The following PDXDC1 variants were observed in gnomAD, a reference collection of about 807,000 sequenced individuals.
PDXDC1 encodes the protein pyridoxal-dependent decarboxylase domain-containing protein 1.
Under a neutral mutation model 100.1 loss-of-function variants are expected in PDXDC1, and 42 were observed. That is an observed-to-expected ratio of 0.42 (90% CI 0.33 to 0.54). PDXDC1 has a LOEUF of 0.54. Ranked by LOEUF, PDXDC1 falls within the 20% of genes least tolerant of loss-of-function variation. PDXDC1 has a pLI of 0.10. For missense variants in PDXDC1, 636 were observed against 979.2 expected (o/e 0.65, Z 4.68); for synonymous variants, 260 against 371.7 (o/e 0.70, Z 3.46).
chr16:15,048,192 G>GCCCAC, intron 16 of PDXDC1: 2 of 798,068 alleles, frequency 2.5e-6, no homozygotes, highest in Non-Finnish European at 4.1e-6. Flanking sequence ...GCTCTGCGTG[G>GCCCAC]GCAGCACGCT....
intron 16 of PDXDC1, among the ~76,000 whole-genome samples, chr16:15,076,283 C>T (rs1288460890): frequency 1.3e-5 from 2 of 152,200 alleles, no homozygotes; most frequent in Non-Finnish European, 2.9e-5. Flanking sequence ...CACGCCCTCA[C>T]AGACAGCATC....
At chr16:15,030,370 T>C (rs4985158) in intron 16 of PDXDC1, among the ~76,000 whole-genome samples, 1 of 151,964 alleles carries the variant, frequency 6.6e-6, no homozygotes, top group East Asian at 2.0e-4. Context: ...CATAGTGAAA[T>C]CCCGCCCCTA....
At position 15,089,830 on chromosome 16, in the gene PDXDC1, G is replaced by T. The variant is rs932184037; in HGVS notation, c.1400-49049G>T. 1.1e-4 allele frequency among the ~76,000 whole-genome samples: 16 copies of T among 148,152 alleles called. No homozygotes were observed. In the Middle Eastern group the frequency reaches 0.011, roughly 104 times the overall value. On this transcript the variant is annotated intron_variant, in intron 16 of 16. Transcript: ENST00000535621. ...AAAAAAACAGATTAAAGGATCAGGA[G>T]ACAGGAGGATCAGAAACGCTGAAGT...
At chr16:15,034,253 A>G (rs757186215) in intron 19 of PDXDC1, 33 bp from the exon 20 acceptor site, 17 of 1,599,738 alleles carry the variant, frequency 1.1e-5, no homozygotes, top group East Asian at 2.2e-5. Flanking sequence ...TGAGAACCTT[A>G]AACAAGTAAT....
chr16:15,047,728 C>T (rs1661579843), intron 16 of PDXDC1: 3 of 934,994 alleles, frequency 3.2e-6, no homozygotes, highest in South Asian at 1.3e-5. Context: ...AGACACCATG[C>T]AGACCAGAAA....
intron 8 of PDXDC1, among the ~76,000 whole-genome samples, chr16:15,015,100 G>A (rs1256895325): frequency 6.6e-6 from 1 of 152,238 alleles, no homozygotes; most frequent in African/African-American, 2.4e-5. Flanking sequence ...ACTACACCCG[G>A]CTAATTTTGT....
rs773144097 is a variant in PDXDC1, at chr16:15,044,700, C to T, written c.1399+14644C>T. 329 of 470,162 alleles carry T rather than the reference C, an allele frequency of 7.0e-4. No individual in the cohort carries two copies. The Middle Eastern group carries it at 8.7e-3, about 12-fold the overall frequency. 29.1% of individuals were successfully genotyped at this position (470,162 alleles called of 1,614,324 possible). ...ACTTTGCTCTGGAAGAGCACAGGCACAGGACAGGTGCAGTGGCTCACATCT... is the reference window on the plus strand; with the variant it reads ...ACTTTGCTCTGGAAGAGCACAGGCATAGGACAGGTGCAGTGGCTCACATCT... On this transcript the variant is annotated intron_variant, in intron 16 of 16. Transcript: ENST00000535621.
rs914348657 is a variant in PDXDC1, at chr16:15,011,893, A to T, written c.727+2134A>T. Among the ~76,000 whole-genome samples, 3 of 152,250 alleles carry T rather than the reference A, an allele frequency of 2.0e-5. No homozygotes were observed. In the South Asian group the frequency reaches 6.2e-4, roughly 31 times the overall value. ...TGGCCAGGCTGGTCTCAAACTCCTGACCTCAGGTGGTCCACCTGCCTTGGC... is the reference window on the plus strand; with the variant it reads ...TGGCCAGGCTGGTCTCAAACTCCTGTCCTCAGGTGGTCCACCTGCCTTGGC... On this transcript the variant is annotated intron_variant, in intron 8 of 22. Coordinates refer to ENST00000396410, the MANE Select transcript of PDXDC1 (RefSeq NM_015027.4).
chr16:15,072,181 TG>T, intron 16 of PDXDC1, among the ~76,000 whole-genome samples: 1 of 150,730 alleles, frequency 6.6e-6, no homozygotes. Context: ...AACACTCTCC[TG>T]ATCTCTAGGA....
At chr16:15,047,214 G>A in intron 16 of PDXDC1, 2 of 531,870 alleles carry the variant, frequency 3.8e-6, no homozygotes, top group Non-Finnish European at 6.7e-6. Flanking sequence ...TCAAAGTCAA[G>A]CCTTCCATCT....
chr16:15,124,281 C>G (rs1390758629), intron 16 of PDXDC1, among the ~76,000 whole-genome samples: 6 of 152,228 alleles, frequency 3.9e-5, no homozygotes, highest in East Asian at 1.9e-4. Flanking sequence ...AAACTTCCCA[C>G]AGGCCTTCTG....
rs1391256883 is a variant in PDXDC1 at position 15,092,688 on chromosome 16, C to G, written c.1400-46191C>G. On this transcript the variant is annotated intron_variant, in intron 16 of 16. Coordinates refer to the PDXDC1 transcript ENST00000535621. ...ATTATAATAGCCAACATTTATTGAA[C>G]CAACATAATTCAGTGGAACTATTGT... is the stretch of plus-strand genomic sequence containing the variant. 3.0e-6 allele frequency: 3 copies of G among 1,010,738 alleles called. No individual in the cohort carries two copies. The Admixed American group carries it at 5.5e-5, about 18-fold the overall frequency. The allele number at this position is 1,010,738 out of a possible 1,614,324, so 62.6% of individuals were successfully genotyped here. A position where few individuals can be genotyped will look rare whatever the true frequency, so the allele number is the denominator to read the frequency against.
chr16:15,037,272 T>TC lies in PDXDC1; in HGVS notation c.*999dup, dbSNP rs2043513034. On this transcript the variant is annotated 3_prime_UTR_variant, in exon 23 of 23. Coordinates refer to ENST00000396410, the MANE Select transcript of PDXDC1 (RefSeq NM_015027.4). ...CGCTGGCACTGCCCGTTCCTACTTTTCCGAAGTACTGCGTCACTTTGTCGT... is the reference window on the plus strand; with the variant it reads ...CGCTGGCACTGCCCGTTCCTACTTTTCCCGAAGTACTGCGTCACTTTGTCGT... 1 of 152,374 alleles carries TC rather than the reference T, an allele frequency of 6.6e-6. No individual in the cohort carries two copies. The highest frequency in any genetic ancestry group is 2.4e-5 in the African/African-American group (1 of 41,584). The allele number at this position is 152,374 out of a possible 1,614,324, so 9.4% of individuals were successfully genotyped here. A position where few individuals can be genotyped will look rare whatever the true frequency, so the allele number is the denominator to read the frequency against.
At chr16:15,099,617 G>A (rs1007416497) in intron 16 of PDXDC1, among the ~76,000 whole-genome samples, 1 of 151,794 alleles carries the variant, frequency 6.6e-6, no homozygotes, top group African/African-American at 2.4e-5. Flanking sequence ...TAAAGGGGGT[G>A]GGGGAGGGAT....
At chr16:15,127,536 C>G (rs749970933) in intron 16 of PDXDC1, 16 of 1,410,678 alleles carry the variant, frequency 1.1e-5, no homozygotes, top group Non-Finnish European at 1.4e-5. Context: ...CCACGCTGGA[C>G]ACCAGGCCAA....
intron 16 of PDXDC1, chr16:15,128,458 C>T: frequency 1.1e-6 from 1 of 894,056 alleles, no homozygotes; most frequent in East Asian, 2.5e-5. Context: ...CCAGGCAAGT[C>T]ATCTCAGCTT....
At chr16:15,035,109 A>C (rs1398806425) in intron 21 of PDXDC1, among the ~76,000 whole-genome samples, 4 of 152,162 alleles carry the variant, frequency 2.6e-5, no homozygotes. Flanking sequence ...CGATGACTCC[A>C]TTGTCATGAA....
intron 1 of PDXDC1, among the ~76,000 whole-genome samples, chr16:14,997,159 T>C (rs1426505733): frequency 6.6e-6 from 1 of 152,216 alleles, no homozygotes; most frequent in East Asian, 1.9e-4. Context: ...GTGAAAAAAT[T>C]ATAATTCTGC....
rs2043245562 is a variant in PDXDC1 at position 15,034,142 on chromosome 16, G to C, written c.1813-144G>C. Reference sequence around the variant, plus strand: ...GAGCATGTTATCTGCTTGTCTTTGAGTTTCTGTTCGTTTTACGCCGGCTTT... The same window carrying C: ...GAGCATGTTATCTGCTTGTCTTTGACTTTCTGTTCGTTTTACGCCGGCTTT... On this transcript the variant is annotated intron_variant, in intron 19 of 22. Coordinates refer to ENST00000396410, the MANE Select transcript of PDXDC1 (RefSeq NM_015027.4). The C allele has an allele frequency of 4.5e-6, 3 of 665,412 alleles. No individual in the cohort carries two copies. In the Admixed American group the frequency reaches 7.4e-5, roughly 16 times the overall value. 41.2% of individuals were successfully genotyped at this position (665,412 alleles called of 1,614,324 possible).
Sources: allele counts gnomAD v4.1 joint callset (sites outside exome capture counted in the v4.1 genomes callset), GRCh38; gene constraint gnomAD v4.1.1; transcripts MANE v1.5; gene names NCBI Gene and HGNC (gene_info 2026-07-23, HGNC 2026-07-21).